BPIFC: variants seen among roughly 807,000 people sequenced by gnomAD.
BPIFC encodes BPI fold containing family C.
In BPIFC, 60 loss-of-function variants were observed where a neutral mutation model predicts 57.6. The ratio of observed to expected loss-of-function variants is 1.04; its 90% CI spans 0.85 to 1.29. The LOEUF (loss-of-function observed/expected upper bound fraction) is 1.29. Among genes scored for constraint, BPIFC ranks in the 50% most tolerant of loss-of-function variants. The pLI, the probability that BPIFC is intolerant of heterozygous loss-of-function variation, is 0.00. For missense variants in BPIFC, 581 were observed against 600.5 expected (o/e 0.97, Z 0.34); for synonymous variants, 243 against 224.5 (o/e 1.08, Z -0.74).
At chr22:32,423,528 T>C (rs551491373) in intron 13 of BPIFC, among the ~76,000 whole-genome samples, 11 of 151,684 alleles carry the variant, frequency 7.3e-5, no homozygotes, top group African/African-American at 2.2e-4. Context: ...TGTAGTCAGC[T>C]ATATTTGCAT....
chr22:32,427,817 T>C (rs1370976988), intron 13 of BPIFC, among the ~76,000 whole-genome samples: 1 of 152,084 alleles, frequency 6.6e-6, no homozygotes. Flanking sequence ...TGAAACCCCG[T>C]CTCTACTAAA....
chr22:32,451,624 C>G (rs2145959735), intron 4 of BPIFC, among the ~76,000 whole-genome samples: 1 of 152,058 alleles, frequency 6.6e-6, no homozygotes, highest in East Asian at 1.9e-4. Flanking sequence ...TGCAGCACAC[C>G]AACATGGCAC....
chr22:32,417,107 AAAGTG>A lies in BPIFC; in HGVS notation c.1297_1301del (p.His433TrpfsTer30), dbSNP rs1361333728. 1 of 1,606,582 alleles carries A rather than the reference AAAGTG, an allele frequency of 6.2e-7. No homozygotes were observed. Among genetic ancestry groups the A allele is most frequent in the African/African-American group, 1.3e-5 (1 of 74,744 alleles). On this transcript the variant is annotated frameshift_variant, in exon 15 of 17. Coordinates refer to ENST00000300399, the MANE Select transcript of BPIFC (RefSeq NM_174932.3). LOFTEE classifies it high-confidence loss of function. ...TACCATTGGCCAGTGGGAGGACTCC[AAAGTG>A]AAGAATGGACGATAGAATATTTTCA...
chr22:32,427,409 C>G (rs1453005351), intron 13 of BPIFC, among the ~76,000 whole-genome samples: 5 of 152,144 alleles, frequency 3.3e-5, no homozygotes, highest in Non-Finnish European at 7.4e-5. Flanking sequence ...TGCCAGTAAA[C>G]CAGACACCTG....
At chr22:32,416,244 T>C (rs1470302578) in intron 15 of BPIFC, among the ~76,000 whole-genome samples, 1 of 152,126 alleles carries the variant, frequency 6.6e-6, no homozygotes, top group African/African-American at 2.4e-5. Context: ...CATGCCTGGC[T>C]AAGTTTTTTT....
chr22:32,431,871 A>G (rs182147831), intron 12 of BPIFC, among the ~76,000 whole-genome samples: 271 of 151,990 alleles, frequency 1.8e-3, no homozygotes, highest in Non-Finnish European at 3.0e-3. Flanking sequence ...TAGAGACTGG[A>G]GAGATTTTAC....
intron 1 of BPIFC, among the ~76,000 whole-genome samples, chr22:32,463,534 C>G (rs1168455239): frequency 1.3e-5 from 2 of 152,118 alleles, no homozygotes; most frequent in African/African-American, 4.8e-5. Flanking sequence ...CACAGATGGT[C>G]CTACTACTAC....
chr22:32,437,683 G>A, intron 9 of BPIFC, 77 bp downstream of exon 9: 1 of 1,082,892 alleles, frequency 9.2e-7, no homozygotes, highest in Non-Finnish European at 1.4e-6. Flanking sequence ...GAGGCACCGT[G>A]CCCAGTCCAT....
At chr22:32,428,225 A>G (rs900490194) in intron 13 of BPIFC, among the ~76,000 whole-genome samples, 1 of 151,860 alleles carries the variant, frequency 6.6e-6, no homozygotes, top group Admixed American at 6.6e-5. Flanking sequence ...ATTTTTAAAA[A>G]TTATTATTTT....
intron 12 of BPIFC, 25 bp from the exon 13 acceptor site, chr22:32,431,439 A>ATTTATTTATTTATTTTTTTTATT: frequency 7.4e-7 from 1 of 1,343,078 alleles, no homozygotes; most frequent in Non-Finnish European, 1.1e-6. Flanking sequence ...AGCATTTATT[A>ATTTATTTATTTATTTTTTTTATT]TTAAGACGAG....
chr22:32,464,362 C>T lies in BPIFC; in HGVS notation c.-89+12G>A. 3 of 984,946 alleles carry T rather than the reference C, an allele frequency of 3.0e-6. No individual in the cohort carries two copies. The highest frequency in any genetic ancestry group is 3.6e-6 in the Non-Finnish European group (3 of 829,602). 61.0% of individuals were successfully genotyped at this position (984,946 alleles called of 1,614,324 possible). ...GGCTGGCAGAGACCTGAAGTTTGTT[C>T]ATGAGTCTTACCTCAAGCAGAGGAA... On this transcript the variant is annotated intron_variant, in intron 1 of 16. Coordinates refer to ENST00000300399, the MANE Select transcript of BPIFC (RefSeq NM_174932.3).
At chr22:32,414,890 A>G in intron 16 of BPIFC, among the ~76,000 whole-genome samples, 1 of 152,116 alleles carries the variant, frequency 6.6e-6, no homozygotes, top group Non-Finnish European at 1.5e-5. Context: ...AGGAAAGGCC[A>G]TTTTGGAGTA....
intron 6 of BPIFC, 37 bp from the exon 7 acceptor site, chr22:32,445,735 A>AT: frequency 6.6e-7 from 1 of 1,520,370 alleles, no homozygotes; most frequent in Non-Finnish European, 8.9e-7. Flanking sequence ...AAAAAAAAAA[A>AT]GAGGTTACTC....
intron 13 of BPIFC, among the ~76,000 whole-genome samples, chr22:32,425,428 T>C (rs1934038915): frequency 6.6e-6 from 1 of 152,106 alleles, no homozygotes; most frequent in African/African-American, 2.4e-5. Context: ...AGCCATGAAT[T>C]ATACAAAAAA....
intron 9 of BPIFC, among the ~76,000 whole-genome samples, chr22:32,436,666 G>C (rs1934411722): frequency 1.3e-5 from 2 of 152,208 alleles, no homozygotes; most frequent in Admixed American, 1.3e-4. Context: ...CAAAGAAGGA[G>C]GTGTATTTAG....
At chr22:32,440,832 A>G (rs1222001644) in intron 8 of BPIFC, among the ~76,000 whole-genome samples, 2 of 152,016 alleles carry the variant, frequency 1.3e-5, no homozygotes, top group African/African-American at 4.8e-5. Flanking sequence ...GCCGGCCACC[A>G]TCATTAATTG....
chr22:32,415,730 C>G (rs1338113310), intron 16 of BPIFC, among the ~76,000 whole-genome samples, 185 bp downstream of exon 16: 1 of 152,162 alleles, frequency 6.6e-6, no homozygotes, highest in Non-Finnish European at 1.5e-5. Flanking sequence ...TTTTTAGACT[C>G]AACTCTAAAT....
At chr22:32,433,620 G>A (rs1032778001) in intron 11 of BPIFC, 99 bp downstream of exon 11, 2 of 1,019,714 alleles carry the variant, frequency 2.0e-6, no homozygotes, top group Non-Finnish European at 3.0e-6. Flanking sequence ...ATAGACAGAG[G>A]GACTTATCCA....
At position 32,436,158 on chromosome 22, in the gene BPIFC, G is replaced by A. The variant is rs181618133; in HGVS notation, c.748-278C>T. Among the ~76,000 whole-genome samples, 371 of 152,276 alleles carry A rather than the reference G, an allele frequency of 2.4e-3. 1 individual carries two copies. The highest frequency in any genetic ancestry group is 4.5e-3 in the Non-Finnish European group (303 of 68,022). The stretch of plus-strand genomic sequence containing the variant: ...AAAATACAAAAATTAGCCAGGTGTG[G>A]TGGCGCGTACCTGTAGTTCCGGCTA... On this transcript the variant is annotated intron_variant, in intron 9 of 16. Transcript: ENST00000300399.
Sources: allele counts gnomAD v4.1 joint callset (sites outside exome capture counted in the v4.1 genomes callset), GRCh38; gene constraint gnomAD v4.1.1; transcripts MANE v1.5; gene names NCBI Gene and HGNC (gene_info 2026-07-23, HGNC 2026-07-21).